Variants in BCO1 observed in about 807,000 individuals in gnomAD.
BCO1 encodes the protein beta-carotene oxygenase 1.
BCO1 carries 54 observed loss-of-function variants against 56.3 expected under a neutral mutation model. That is an observed-to-expected ratio of 0.96 (90% CI 0.77 to 1.20). The LOEUF (loss-of-function observed/expected upper bound fraction) is 1.20. Ranked by LOEUF, BCO1 falls within the 50% of genes most tolerant of loss-of-function variation. The pLI is 0.00. For synonymous variants in BCO1, 318 were observed against 266.1 expected (o/e 1.20, Z -1.90); for missense variants, 801 against 690.9 (o/e 1.16, Z -1.79).
chr16:81,264,590 G>T (rs770459452), intron 4 of BCO1, 50 bp from the exon 5 acceptor site: 1 of 1,599,330 alleles, frequency 6.3e-7, no homozygotes, highest in South Asian at 1.1e-5. Context: ...ATATCTTGCA[G>T]GTTGATTATC....
At chr16:81,265,679 C>T (rs957541355) in intron 5 of BCO1, among the ~76,000 whole-genome samples, 1 of 149,186 alleles carries the variant, frequency 6.7e-6, no homozygotes, top group Non-Finnish European at 1.5e-5. Flanking sequence ...TCCATCCGTC[C>T]ACCCACCATC....
At chr16:81,266,156 G>C (rs991263145) in intron 5 of BCO1, among the ~76,000 whole-genome samples, 3 of 152,244 alleles carry the variant, frequency 2.0e-5, no homozygotes, top group Non-Finnish European at 4.4e-5. Context: ...TGTTTAGGGA[G>C]CTCAGTCCTG....
In BCO1 at chr16:81,287,190, G is replaced by T. The variant is rs548243889; in HGVS notation, c.1303-105G>T. Reference sequence around the variant, plus strand: ...GAGACTACGTCAAAAGTCTACATCCGATGGGCTTCATCTCCTCTGTGTGGA... The same window carrying T: ...GAGACTACGTCAAAAGTCTACATCCTATGGGCTTCATCTCCTCTGTGTGGA... On this transcript the variant is annotated intron_variant, in intron 9 of 10. Coordinates refer to ENST00000258168, the MANE Select transcript of BCO1 (RefSeq NM_017429.3). 7 of 879,844 alleles carry T rather than the reference G, an allele frequency of 8.0e-6. No individual in the cohort carries two copies. The African/African-American group carries it at 9.9e-5, about 12-fold the overall frequency. The allele number at this position is 879,844 out of a possible 1,614,324, so 54.5% of individuals were successfully genotyped here. A position where few individuals can be genotyped will look rare whatever the true frequency, so the allele number is the denominator to read the frequency against.
intron 7 of BCO1, among the ~76,000 whole-genome samples, chr16:81,272,578 A>C (rs1597368226): frequency 1.3e-5 from 2 of 152,172 alleles, no homozygotes; most frequent in Non-Finnish European, 2.9e-5. Flanking sequence ...TCTTGCACTA[A>C]GAATGACCAC....
At chr16:81,263,053 T>A (rs1906595324) in intron 4 of BCO1, 2 of 151,028 alleles carry the variant, frequency 1.3e-5, no homozygotes, top group Admixed American at 1.3e-4. Context: ...CTCCAGCCTC[T>A]GCCTCAGTCT....
intron 7 of BCO1, among the ~76,000 whole-genome samples, chr16:81,273,586 C>G (rs1332482551): frequency 6.6e-6 from 1 of 152,024 alleles, no homozygotes; most frequent in East Asian, 1.9e-4. Flanking sequence ...TTGTGTGTCT[C>G]TGCCATGGTT....
rs144280445 is a variant in BCO1, at chr16:81,253,297, G to A, written c.194-6379G>A. The stretch of plus-strand genomic sequence containing the variant: ...TGTCTACTGCATCTCAATACTCTAC[G>A]CAGCTTTTCTTGAGCACCTACTATG... On this transcript the variant is annotated intron_variant, in intron 2 of 10. Transcript: ENST00000258168. 1.1e-3 allele frequency among the ~76,000 whole-genome samples: 169 copies of A among 152,198 alleles called. 1 individual carries two copies. Among genetic ancestry groups the A allele is most frequent in the African/African-American group, 3.5e-3 (146 of 41,510 alleles).
chr16:81,274,210 G>C (rs1907409778), intron 7 of BCO1, among the ~76,000 whole-genome samples: 2 of 149,946 alleles, frequency 1.3e-5, no homozygotes, highest in South Asian at 4.2e-4. Context: ...TCATGCTCGA[G>C]AATGCTTTGC....
At position 81,259,750 on chromosome 16, in the gene BCO1, G is replaced by A; in HGVS notation, c.268G>A (p.Val90Met). The A allele has an allele frequency of 6.2e-7, 1 of 1,614,212 alleles. No individual in the cohort carries two copies. The highest frequency in any genetic ancestry group is 8.5e-7 in the Non-Finnish European group (1 of 1,180,034). ...NTNIEANRIV[V>M]SEFGTMAYPD... The stretch of plus-strand genomic sequence containing the variant: ...CAATATTGAGGCAAACAGGATTGTG[G>A]TGTCTGAGTTTGGAACAATGGCCTA... The change falls in exon 3 of 11, where the codon GTG becomes ATG. Residue 90 changes from valine to methionine, a missense_variant. By Grantham distance (21) the Val-to-Met change is conservative. Coordinates refer to ENST00000258168, the MANE Select transcript of BCO1 (RefSeq NM_017429.3).
chr16:81,248,542 C>T (rs539528202), intron 2 of BCO1, among the ~76,000 whole-genome samples: 8 of 152,132 alleles, frequency 5.3e-5, no homozygotes, highest in East Asian at 1.9e-4. Context: ...GGGTGAAAAG[C>T]GCGAGCTCTG....
In BCO1 at chr16:81,285,471, T is replaced by G. The variant is rs541639926; in HGVS notation, c.1208-69T>G. The G allele has an allele frequency of 6.9e-5, 80 of 1,164,420 alleles. No individual in the cohort carries two copies. The Admixed American group carries it at 1.0e-3, about 15-fold the overall frequency. The allele number at this position is 1,164,420 out of a possible 1,614,324, so 72.1% of individuals were successfully genotyped here. On this transcript the variant is annotated intron_variant, in intron 8 of 10. Coordinates refer to ENST00000258168, the MANE Select transcript of BCO1 (RefSeq NM_017429.3). ...GATTCTGAGGAAAGGCTACCCAATC[T>G]GACAGGAAGGGTGGATGCTCCCAGC...
chr16:81,288,960 G>A (rs565541725), intron 10 of BCO1, among the ~76,000 whole-genome samples: 164 of 152,286 alleles, frequency 1.1e-3, no homozygotes, highest in African/African-American at 3.9e-3. Flanking sequence ...TCTCCAAGGC[G>A]GGGGACCACA....
intron 3 of BCO1, 152 bp downstream of exon 3, chr16:81,259,957 G>T: frequency 1.0e-6 from 1 of 990,426 alleles, no homozygotes. Flanking sequence ...CACAGTTCTT[G>T]ATCACTGATT....
In BCO1 at chr16:81,238,951, C is replaced by G. The variant is rs1460850828; in HGVS notation, c.43C>G (p.Pro15Ala). ...CAGGAATAGGAAAGAACAGCTGGAGCCTGTGAGGGCCAAAGTGACAGGTGA... is the reference window on the plus strand; with the variant it reads ...CAGGAATAGGAAAGAACAGCTGGAGGCTGTGAGGGCCAAAGTGACAGGTGA... ...FGRNRKEQLE[P>A]VRAKVTGKIP... The change falls in exon 1 of 11, where the codon CCT becomes GCT. Residue 15 changes from proline to alanine, a missense_variant. Coordinates refer to ENST00000258168, the MANE Select transcript of BCO1 (RefSeq NM_017429.3). 2 of 1,613,912 alleles carry G rather than the reference C, an allele frequency of 1.2e-6. No individual in the cohort carries two copies. The highest frequency in any genetic ancestry group is 1.7e-5 in the Admixed American group (1 of 59,992).
intron 9 of BCO1, among the ~76,000 whole-genome samples, 155 bp from the exon 10 acceptor site, chr16:81,287,140 G>A (rs112275131): frequency 2.6e-5 from 4 of 152,280 alleles, no homozygotes; most frequent in African/African-American, 9.6e-5. Context: ...TCTTGGCTGT[G>A]CTCACCAGAG....
chr16:81,263,656 A>C (rs953798664), intron 4 of BCO1: 2 of 152,210 alleles, frequency 1.3e-5, no homozygotes, highest in African/African-American at 4.8e-5. Flanking sequence ...CAGCAATCCT[A>C]CCTTCTATTG....
chr16:81,241,320 A>C (rs1016802501), intron 1 of BCO1, among the ~76,000 whole-genome samples: 1 of 152,032 alleles, frequency 6.6e-6, no homozygotes, highest in Non-Finnish European at 1.5e-5. Flanking sequence ...CTCCAAAAGA[A>C]AACAAAAAGG....
At chr16:81,262,094 T>G (rs1180146464) in intron 3 of BCO1, 42 bp from the exon 4 acceptor site, 4 of 1,608,634 alleles carry the variant, frequency 2.5e-6, no homozygotes, top group Non-Finnish European at 3.4e-6. Flanking sequence ...TCTGGCTGGG[T>G]GGACATAGCC....
intron 7 of BCO1, among the ~76,000 whole-genome samples, chr16:81,275,987 C>A (rs1026279283): frequency 1.3e-5 from 2 of 152,300 alleles, no homozygotes; most frequent in African/African-American, 4.8e-5. Context: ...TGCTGCAGGG[C>A]GCTGTGTGAG....
Sources: allele counts gnomAD v4.1 joint callset (sites outside exome capture counted in the v4.1 genomes callset), GRCh38; gene constraint gnomAD v4.1.1; transcripts MANE v1.5; gene names NCBI Gene and HGNC (gene_info 2026-07-23, HGNC 2026-07-21).